Variants in FRMPD4 observed in about 807,000 individuals in gnomAD.
The protein encoded by FRMPD4 is FERM and PDZ domain-containing protein 4.
Under a neutral mutation model 94.1 loss-of-function variants are expected in FRMPD4, and 22 were observed. The ratio of observed to expected loss-of-function variants is 0.23; its 90% CI spans 0.17 to 0.33. The LOEUF (loss-of-function observed/expected upper bound fraction) is 0.33, where lower values mean the gene tolerates loss of function less well. Ranked by LOEUF, FRMPD4 falls within the 10% of genes least tolerant of loss-of-function variation. FRMPD4 has a pLI of 1.00. For synonymous variants in FRMPD4, 631 were observed against 548.6 expected, an observed-to-expected ratio of 1.15 and a Z score of -2.10; for missense variants, 1,111 against 1,339.9, an observed-to-expected ratio of 0.83 and a Z score of 2.67.
intron 2 of FRMPD4, among the ~76,000 whole-genome samples, chrX:12,560,742 CTTTTTTTTTTTTTTTTTTTTTT>C (rs749269384): frequency 4.6e-5 from 2 of 43,449 alleles, no homozygotes; most frequent in Non-Finnish European, 8.5e-5. Context: ...CTCCCCTCAT[CTTTTTTTTTTTTTTTTTTTTTT>C]TTTTTTTTTT....
intron 3 of FRMPD4, among the ~76,000 whole-genome samples, chrX:12,062,242 G>A (rs906304932): frequency 6.4e-4 from 71 of 111,143 alleles, no homozygotes; most frequent in African/African-American, 2.3e-3. Context: ...AATGTATTGC[G>A]GTTATCTTTT....
At chrX:12,701,821 C>T (rs746030185) in intron 9 of FRMPD4, 53 bp from the exon 10 acceptor site, 309 of 1,174,700 alleles carry the variant, frequency 2.6e-4, no homozygotes, top group Non-Finnish European at 3.4e-4. Context: ...TGTAAGTCCA[C>T]GCGCTGCGGC....
intron 3 of FRMPD4, among the ~76,000 whole-genome samples, chrX:12,109,133 C>G (rs997938890): frequency 8.9e-6 from 1 of 111,947 alleles, no homozygotes; most frequent in East Asian, 2.8e-4. Flanking sequence ...CCTCTCAGCA[C>G]CACATCACAC....
At chrX:12,550,851 C>A (rs1433004559) in intron 2 of FRMPD4, among the ~76,000 whole-genome samples, 4 of 71,310 alleles carry the variant, frequency 5.6e-5, no homozygotes, top group East Asian at 3.7e-4. Context: ...AAGAATATAG[C>A]AAATATATTC....
At chrX:12,709,252 C>T (rs1327112628) in intron 13 of FRMPD4, among the ~76,000 whole-genome samples, 3 of 111,359 alleles carry the variant, frequency 2.7e-5, no homozygotes, top group Non-Finnish European at 5.7e-5. Flanking sequence ...GAGCTGGGGG[C>T]GCTGAATCCG....
chrX:12,135,649 G>C (rs2055589996), upstream of FRMPD4, among the ~76,000 whole-genome samples: 1 of 109,920 alleles, frequency 9.1e-6, no homozygotes, highest in Non-Finnish European at 1.9e-5. Context: ...GGCACAGGGA[G>C]AAGGCCAACA....
chrX:12,393,510 G>A (rs1344605626), intron 1 of FRMPD4, among the ~76,000 whole-genome samples: 1 of 111,988 alleles, frequency 8.9e-6, no homozygotes, highest in Non-Finnish European at 1.9e-5. Context: ...TTGAACTGAA[G>A]TGTAAAGAAC....
chrX:11,901,802 T>C (rs940095028), intron 3 of FRMPD4, among the ~76,000 whole-genome samples: 11 of 111,311 alleles, frequency 9.9e-5, no homozygotes, highest in African/African-American at 3.6e-4. Flanking sequence ...TCTTGCAGAG[T>C]AAAGTGGTAT....
chrX:12,454,412 G>A (rs2057308483), intron 1 of FRMPD4, among the ~76,000 whole-genome samples: 1 of 112,044 alleles, frequency 8.9e-6, no homozygotes, highest in Non-Finnish European at 1.9e-5. Flanking sequence ...AGTCATGTGA[G>A]TGTTGAAACA....
intron 11 of FRMPD4, among the ~76,000 whole-genome samples, chrX:12,704,783 T>C (rs1161054950): frequency 1.8e-5 from 2 of 112,559 alleles, no homozygotes; most frequent in African/African-American, 6.5e-5. Flanking sequence ...GGATAGAAGA[T>C]AGAATTGTGA....
In FRMPD4 at chrX:12,560,742, C is replaced by CTTTTT. The variant is rs749269384; in HGVS notation, c.159-48938_159-48934dup. 8.1e-4 allele frequency among the ~76,000 whole-genome samples: 35 copies of CTTTTT among 43,448 alleles called. 3 individuals are homozygous for CTTTTT. Among genetic ancestry groups the CTTTTT allele is most frequent in the Non-Finnish European group, 1.3e-3 (31 of 23,494 alleles). The allele number at this position is 43,448 out of a possible 115,157, so 37.7% of individuals were successfully genotyped here. On this transcript the variant is annotated intron_variant, in intron 2 of 16. Coordinates refer to ENST00000675598, the MANE Select transcript of FRMPD4 (RefSeq NM_001368397.1). ...CCCTAGTGTATGCACCTCCCCTCAT[C>CTTTTT]TTTTTTTTTTTTTTTTTTTTTTTTT... is the stretch of plus-strand genomic sequence containing the variant.
chrX:11,845,557 C>G (rs772713024), intron 1 of FRMPD4, among the ~76,000 whole-genome samples: 1 of 107,728 alleles, frequency 9.3e-6, no homozygotes, highest in African/African-American at 3.4e-5. Flanking sequence ...GATACCAAAG[C>G]CGGGCAGAGA....
chrX:11,949,612 G>A (rs2054209271), intron 3 of FRMPD4, among the ~76,000 whole-genome samples: 1 of 111,926 alleles, frequency 8.9e-6, no homozygotes, highest in African/African-American at 3.3e-5. Flanking sequence ...GGAGGTAGAA[G>A]TGGGAAGTGG....
chrX:12,054,254 C>T (rs1044007785), intron 3 of FRMPD4, among the ~76,000 whole-genome samples: 1 of 110,872 alleles, frequency 9.0e-6, no homozygotes, highest in Non-Finnish European at 1.9e-5. Context: ...TCCTAAACCC[C>T]ATCAGCCAAT....
At chrX:12,491,519 G>A (rs370347420) in intron 1 of FRMPD4, among the ~76,000 whole-genome samples, 15 of 112,066 alleles carry the variant, frequency 1.3e-4, no homozygotes, top group East Asian at 8.4e-4. Flanking sequence ...ATGAGCTGAC[G>A]TAGTAGCAAA....
chrX:12,473,324 T>C (rs998569165), intron 1 of FRMPD4, among the ~76,000 whole-genome samples: 4 of 109,350 alleles, frequency 3.7e-5, no homozygotes, highest in Admixed American at 2.9e-4. Context: ...GCACTAAACA[T>C]GGAAAGGAAC....
chrX:12,537,992 A>G (rs1231624656), intron 2 of FRMPD4, among the ~76,000 whole-genome samples: 1 of 110,727 alleles, frequency 9.0e-6, no homozygotes, highest in Non-Finnish European at 1.9e-5. Context: ...TCATCTCACT[A>G]GGGCTTGTTG....
chrX:12,273,651 A>G (rs1190443964), intron 1 of FRMPD4, among the ~76,000 whole-genome samples: 1 of 111,985 alleles, frequency 8.9e-6, no homozygotes, highest in African/African-American at 3.2e-5. Flanking sequence ...TTTTAGTAGA[A>G]GCACACTAGA....
chrX:12,532,718 A>G (rs1315654749), intron 2 of FRMPD4, among the ~76,000 whole-genome samples: 2 of 111,284 alleles, frequency 1.8e-5, no homozygotes, highest in Non-Finnish European at 3.8e-5. Context: ...GTTTTGCCCC[A>G]CAGGACACAC....
Sources: gnomAD v4.1 joint callset for allele counts (sites outside exome capture counted in the v4.1 genomes callset) on GRCh38, gnomAD v4.1.1 for gene constraint, MANE v1.5 for transcripts, NCBI Gene and HGNC (gene_info 2026-07-23, HGNC 2026-07-21) for gene names.